DMRT1: variants seen among roughly 807,000 people sequenced by gnomAD.
DMRT1 encodes the protein doublesex- and mab-3-related transcription factor 1.
Under a neutral mutation model 32.3 loss-of-function variants are expected in DMRT1, and 7 were observed. The ratio of observed to expected loss-of-function variants is 0.22; its 90% confidence interval spans 0.12 to 0.41. The LOEUF (loss-of-function observed/expected upper bound fraction) is 0.41. DMRT1 is among the 10% of genes least tolerant of loss of function. The pLI is 1.00. For missense variants in DMRT1, 625 were observed against 500.5 expected (o/e 1.25, Z -2.37); for synonymous variants, 278 against 206.1 (o/e 1.35, Z -2.99).
At chr9:847,579 C>A (rs188551974) in intron 2 of DMRT1, among the ~76,000 whole-genome samples, 2 of 152,310 alleles carry the variant, frequency 1.3e-5, no homozygotes, top group African/African-American at 4.8e-5. Context: ...GAAGTAACAC[C>A]GGAAGGAAGG....
intron 4 of DMRT1, among the ~76,000 whole-genome samples, chr9:931,207 G>C (rs987357964): frequency 2.6e-5 from 4 of 152,098 alleles, no homozygotes; most frequent in African/African-American, 9.7e-5. Context: ...ATTTCTTTTT[G>C]TAGTTAAATA....
rs1307939002 is a variant in DMRT1, at chr9:911,592, A to T, written c.823-5171A>T. ...ACTGCAACCTCTGCCTCCTGGGTTC[A>T]AGCGATTCTCCTGCCTCAGCCTCCC... On this transcript the variant is annotated intron_variant, in intron 3 of 4. Coordinates refer to ENST00000382276, the MANE Select transcript of DMRT1 (RefSeq NM_021951.3). Among the ~76,000 whole-genome samples, 7 of 144,824 alleles carry T rather than the reference A, an allele frequency of 4.8e-5. No homozygotes were observed. In the Admixed American group the frequency reaches 5.2e-4, roughly 11 times the overall value.
chr9:922,040 C>T (rs1469696749), intron 4 of DMRT1, among the ~76,000 whole-genome samples: 1 of 106,160 alleles, frequency 9.4e-6, no homozygotes, highest in Non-Finnish European at 2.5e-5. Flanking sequence ...ACCACAACGC[C>T]CAGCTAATTT....
intron 2 of DMRT1, among the ~76,000 whole-genome samples, chr9:857,505 T>G (rs1299283147): frequency 6.6e-6 from 1 of 152,128 alleles, no homozygotes; most frequent in Non-Finnish European, 1.5e-5. Flanking sequence ...AATATTGGTA[T>G]CTATAGGAAG....
At chr9:940,191 T>G (rs10816089) in intron 4 of DMRT1, among the ~76,000 whole-genome samples, 1 of 151,322 alleles carries the variant, frequency 6.6e-6, no homozygotes, top group Non-Finnish European at 1.5e-5. Context: ...TACCATTTAA[T>G]GCAGCAATTC....
intron 2 of DMRT1, among the ~76,000 whole-genome samples, chr9:870,840 T>G (rs1400011331): frequency 6.6e-6 from 1 of 151,122 alleles, no homozygotes; most frequent in African/African-American, 2.4e-5. Context: ...GCCTCCCGAG[T>G]AGCTGGAACT....
intron 3 of DMRT1, among the ~76,000 whole-genome samples, chr9:910,234 T>G (rs758082764): frequency 6.6e-6 from 1 of 152,106 alleles, no homozygotes; most frequent in Admixed American, 6.6e-5. Flanking sequence ...TGATGAAAAC[T>G]TTTAATAAAT....
intron 4 of DMRT1, among the ~76,000 whole-genome samples, chr9:920,364 CTG>C (rs1385567808): frequency 2.0e-5 from 3 of 152,126 alleles, no homozygotes; most frequent in Non-Finnish European, 2.9e-5. Flanking sequence ...AGGAGGGAAA[CTG>C]TGTGTGAGCG....
chr9:952,277 G>A (rs73380483), intron 4 of DMRT1, among the ~76,000 whole-genome samples: 4,514 of 152,266 alleles, frequency 0.03, 240 homozygotes, highest in African/African-American at 0.1. Context: ...CCTTTTATGC[G>A]TGAGTTTTAG....
At chr9:911,468 G>A (rs1446316164) in intron 3 of DMRT1, among the ~76,000 whole-genome samples, 3 of 77,986 alleles carry the variant, frequency 3.8e-5, no homozygotes, top group Non-Finnish European at 5.6e-5. Context: ...TGGGTTAATT[G>A]CATTTTTTTT....
intron 4 of DMRT1, among the ~76,000 whole-genome samples, chr9:931,898 G>A (rs1467699865): frequency 6.6e-6 from 1 of 152,178 alleles, no homozygotes; most frequent in Non-Finnish European, 1.5e-5. Flanking sequence ...TCTTCTTGAT[G>A]AGATTTGGTG....
chr9:871,614 T>G (rs1816264043), intron 2 of DMRT1, among the ~76,000 whole-genome samples: 1 of 128,450 alleles, frequency 7.8e-6, no homozygotes, highest in Admixed American at 8.1e-5. Flanking sequence ...GTGCTGGGAT[T>G]ACAGACGCGA....
intron 2 of DMRT1, among the ~76,000 whole-genome samples, chr9:861,278 C>T (rs7854275): frequency 0.44 from 66,478 of 151,614 alleles, 15,061 homozygotes; most frequent in Non-Finnish European, 0.5. Flanking sequence ...TCTTAAGGAG[C>T]ATGCTGCCTT....
intron 4 of DMRT1, among the ~76,000 whole-genome samples, chr9:926,612 A>G (rs1036271928): frequency 4.6e-5 from 7 of 152,278 alleles, no homozygotes; most frequent in East Asian, 1.9e-4. Context: ...TGTAAAAGCT[A>G]TAGATTGAAT....
chr9:914,046 C>T (rs953923664), intron 3 of DMRT1, among the ~76,000 whole-genome samples: 9 of 152,172 alleles, frequency 5.9e-5, no homozygotes, highest in African/African-American at 2.2e-4. Flanking sequence ...ACAGGACCCC[C>T]TGGCCATTCA....
At chr9:873,160 T>C (rs7034626) in intron 2 of DMRT1, among the ~76,000 whole-genome samples, 44,511 of 152,212 alleles carry the variant, frequency 0.29, 8,035 homozygotes, top group Non-Finnish European at 0.4. Flanking sequence ...AGTTTGCTGA[T>C]GGCTAATGAC....
chr9:851,614 A>T (rs1038208772), intron 2 of DMRT1, among the ~76,000 whole-genome samples: 1 of 152,204 alleles, frequency 6.6e-6, no homozygotes, highest in Non-Finnish European at 1.5e-5. Flanking sequence ...TGAAGAAGAG[A>T]AATGCTCAAG....
intron 2 of DMRT1, among the ~76,000 whole-genome samples, chr9:888,147 A>G (rs775526454): frequency 6.6e-6 from 1 of 152,212 alleles, no homozygotes; most frequent in Non-Finnish European, 1.5e-5. Flanking sequence ...GAATAGATGA[A>G]TTAAGTTACT....
intron 3 of DMRT1, among the ~76,000 whole-genome samples, chr9:910,115 A>G (rs940792041): frequency 1.3e-5 from 2 of 152,158 alleles, no homozygotes; most frequent in Non-Finnish European, 2.9e-5. Context: ...GCAAATGAGC[A>G]TTACTTAGAG....
Sources: gnomAD v4.1 joint callset for allele counts (sites outside exome capture counted in the v4.1 genomes callset) on GRCh38, gnomAD v4.1.1 for gene constraint, MANE v1.5 for transcripts, NCBI Gene and HGNC (gene_info 2026-07-23, HGNC 2026-07-21) for gene names.